The following RGS22 variants were observed in gnomAD, a reference collection of about 807,000 sequenced individuals.
RGS22 encodes the protein regulator of G-protein signaling 22.
Under a neutral mutation model 172.9 loss-of-function variants are expected in RGS22, and 148 were observed. The observed-to-expected ratio is 0.86, with a 90% confidence interval of 0.75 to 0.98. The LOEUF is 0.98. RGS22 is among the 50% of genes least tolerant of loss of function. The probability of loss-of-function intolerance (pLI) is 0.00; values close to 1 mark genes in which losing one functional copy is unlikely to be tolerated. For synonymous variants in RGS22, 458 were observed against 480.2 expected (o/e 0.95, Z 0.60); for missense variants, 1,347 against 1,440.8 (o/e 0.93, Z 1.05).
At chr8:100,041,698 G>C (rs1820143530) in intron 12 of RGS22, 104 bp downstream of exon 12, 2 of 634,484 alleles carry the variant, frequency 3.2e-6, no homozygotes, top group Admixed American at 6.1e-5. Flanking sequence ...GTGTTGCTTA[G>C]TAAAGAAAAA....
In RGS22 at chr8:100,047,510, C is replaced by A. The variant is rs773828434; in HGVS notation, c.1776G>T (p.Arg592=). Reference sequence around the variant, plus strand: ...TAGAAGAACCTGGATACAAAAGCTCCCGCTTCCAAGGCTTTTGAGTTGCTG... The same window carrying A: ...TAGAAGAACCTGGATACAAAAGCTCACGCTTCCAAGGCTTTTGAGTTGCTG... ...VKTATQKPWK[R]ELLYPGSSKD... Residue 592 remains arginine (R), a synonymous_variant, in exon 11 of 28, where the codon CGG becomes CGT. Transcript: ENST00000360863. 1.5e-5 allele frequency: 24 copies of A among 1,612,298 alleles called. 1 individual carries two copies. The South Asian group carries it at 2.5e-4, about 17-fold the overall frequency.
chr8:100,021,870 C>T (rs1345928779), intron 14 of RGS22, among the ~76,000 whole-genome samples: 4 of 151,884 alleles, frequency 2.6e-5, no homozygotes, highest in Middle Eastern at 3.2e-3. Context: ...AAAATATTTA[C>T]TTCAGCAAAA....
chr8:100,052,931 A>T lies in RGS22; in HGVS notation c.1560T>A (p.Ala520=), dbSNP rs769003534. 3.7e-6 allele frequency: 6 copies of T among 1,614,134 alleles called. No homozygotes were observed. The highest frequency in any genetic ancestry group is 8.5e-7 in the Non-Finnish European group (1 of 1,180,018). ...CVTHSASTKY[A]SAELKFWHLR... ...GGTGCCAGAATTTCAGTTCAGCACT[A>T]GCATATTTTGTTGAGGCTGAATGAG... The change falls in exon 10 of 28, where the codon GCT becomes GCA. Residue 520 remains alanine, a synonymous_variant. Coordinates refer to ENST00000360863, the MANE Select transcript of RGS22 (RefSeq NM_015668.5).
At chr8:100,009,249 C>G (rs544482750) in intron 14 of RGS22, among the ~76,000 whole-genome samples, 1 of 152,132 alleles carries the variant, frequency 6.6e-6, no homozygotes, top group South Asian at 2.1e-4. Context: ...GAACCCCCAT[C>G]TCTACTAAAA....
chr8:99,979,845 G>A (rs1035516847), intron 22 of RGS22, among the ~76,000 whole-genome samples: 6 of 152,118 alleles, frequency 3.9e-5, no homozygotes, highest in Non-Finnish European at 7.4e-5. Context: ...ACAGTCTAAT[G>A]GGAAAGTCAG....
Position 99,962,821 on chromosome 8 carries a change from C to A in RGS22, c.3710-54G>T, listed in dbSNP as rs1810356320. ...ACAGTAAAGTAAATATTGGCAAAGT[C>A]TTCTAAAATTAATCTGTGATAAAAG... On this transcript the variant is annotated intron_variant, in intron 25 of 27. Transcript: ENST00000360863. The A allele has an allele frequency of 8.8e-6, 14 of 1,582,518 alleles. No homozygotes were observed. The South Asian group carries it at 1.6e-4, about 19-fold the overall frequency.
At chr8:100,059,613 C>T (rs972300347) in intron 9 of RGS22, among the ~76,000 whole-genome samples, 1 of 151,864 alleles carries the variant, frequency 6.6e-6, no homozygotes, top group African/African-American at 2.4e-5. Context: ...ATATATGTAC[C>T]CAACACTGGA....
chr8:100,056,167 A>C (rs1442641151), intron 9 of RGS22, among the ~76,000 whole-genome samples: 1 of 152,172 alleles, frequency 6.6e-6, no homozygotes, highest in Non-Finnish European at 1.5e-5. Flanking sequence ...ATGTTTTAGC[A>C]AAGAGACTGG....
At chr8:99,995,704 G>A (rs1031810172) in intron 20 of RGS22, among the ~76,000 whole-genome samples, 40 of 152,320 alleles carry the variant, frequency 2.6e-4, no homozygotes, top group African/African-American at 9.1e-4. Flanking sequence ...ACAGTGTGGC[G>A]ATTCCTCAAG....
chr8:100,006,142 G>C (rs775798800), intron 15 of RGS22, 33 bp from the exon 16 acceptor site: 5 of 1,551,618 alleles, frequency 3.2e-6, no homozygotes. Flanking sequence ...GTGACATCAA[G>C]AGAATGTACA....
At chr8:100,018,989 CA>C (rs5893504) in intron 14 of RGS22, among the ~76,000 whole-genome samples, 17 of 146,878 alleles carry the variant, frequency 1.2e-4, no homozygotes, top group South Asian at 2.1e-4. Flanking sequence ...ATGTCAAAAG[CA>C]AAAAAAAAAA....
rs182865633 is a variant in RGS22 at position 100,097,554 on chromosome 8, T to A, written c.55-4045A>T. Among the ~76,000 whole-genome samples, 37 of 152,338 alleles carry A rather than the reference T, an allele frequency of 2.4e-4. 1 individual carries two copies. In the East Asian group the frequency reaches 5.6e-3, roughly 23 times the overall value. ...CACTATACAATTCTTTTAATTCTTA[T>A]ATGTTTAAATTTTTTCCTAGTAAAA... On this transcript the variant is annotated intron_variant, in intron 2 of 27. Transcript: ENST00000360863.
intron 14 of RGS22, among the ~76,000 whole-genome samples, chr8:100,019,308 T>C (rs1392031739): frequency 1.3e-5 from 2 of 152,262 alleles, no homozygotes; most frequent in Non-Finnish European, 2.9e-5. Context: ...TGATTTGTTA[T>C]GTTACATTTC....
At chr8:100,036,008 A>G (rs566169130) in intron 14 of RGS22, among the ~76,000 whole-genome samples, 1 of 152,308 alleles carries the variant, frequency 6.6e-6, no homozygotes, top group East Asian at 1.9e-4. Flanking sequence ...CCTAATGTAA[A>G]TGACAAGTTG....
At chr8:100,034,671 A>C (rs1819241050) in intron 14 of RGS22, among the ~76,000 whole-genome samples, 1 of 152,186 alleles carries the variant, frequency 6.6e-6, no homozygotes, top group Admixed American at 6.5e-5. Context: ...AATCCTAAGC[A>C]AAAAGAACAA....
chr8:100,048,667 G>C (rs1024351908), intron 10 of RGS22, among the ~76,000 whole-genome samples: 2 of 151,878 alleles, frequency 1.3e-5, no homozygotes, highest in African/African-American at 2.4e-5. Context: ...CCATATATAA[G>C]GGCTTACATC....
At chr8:100,089,800 G>T (rs1210711697) in intron 3 of RGS22, among the ~76,000 whole-genome samples, 1 of 152,044 alleles carries the variant, frequency 6.6e-6, no homozygotes, top group Non-Finnish European at 1.5e-5. Context: ...ATAAAAACAA[G>T]ACCAGATTCT....
intron 27 of RGS22, 40 bp downstream of exon 27, chr8:99,962,354 G>T: frequency 7.8e-7 from 1 of 1,288,922 alleles, no homozygotes. Context: ...GTATTACGAG[G>T]ACATGTGTGG....
intron 11 of RGS22, among the ~76,000 whole-genome samples, chr8:100,045,713 A>G (rs910940833): frequency 1.3e-5 from 2 of 150,522 alleles, no homozygotes; most frequent in African/African-American, 4.9e-5. Context: ...TTTATAATAT[A>G]TATGATATAT....
Sources: gnomAD v4.1 joint callset for allele counts (sites outside exome capture counted in the v4.1 genomes callset) on GRCh38, gnomAD v4.1.1 for gene constraint, MANE v1.5 for transcripts, NCBI Gene and HGNC (gene_info 2026-07-23, HGNC 2026-07-21) for gene names.